ZNHIT6: variants seen among roughly 807,000 people sequenced by gnomAD.
ZNHIT6 encodes box C/D snoRNA protein 1.
Under a neutral mutation model 57.2 loss-of-function variants are expected in ZNHIT6, and 45 were observed. That is an observed-to-expected ratio of 0.79 (90% confidence interval 0.62 to 1.01). The LOEUF is 1.01. ZNHIT6 is among the 50% of genes least tolerant of loss of function. The probability of loss-of-function intolerance (pLI) is 0.00; values close to 1 mark genes in which losing one functional copy is unlikely to be tolerated. For missense variants in ZNHIT6, 528 were observed against 567.3 expected, an observed-to-expected ratio of 0.93 and a Z score of 0.70; for synonymous variants, 188 against 190.0, an observed-to-expected ratio of 0.99 and a Z score of 0.09.
chr1:85,652,406 A>C lies in ZNHIT6; in HGVS notation c.*1652T>G, dbSNP rs529063354. 6.6e-6 allele frequency: 1 copy of C among 152,302 alleles called. No individual in the cohort carries two copies. The highest frequency in any genetic ancestry group is 2.1e-4 in the South Asian group (1 of 4,822). The allele number at this position is 152,302 out of a possible 1,614,324, so 9.4% of individuals were successfully genotyped here. On this transcript the variant is annotated 3_prime_UTR_variant, in exon 10 of 10. Coordinates refer to ENST00000370574, the MANE Select transcript of ZNHIT6 (RefSeq NM_017953.4). ...CTCCAATAATACTGTGAACAACGTA[A>C]TTCTACACAAATTCTTTATCATATA... is the stretch of plus-strand genomic sequence containing the variant.
Position 85,670,600 on chromosome 1 carries a change from A to G in ZNHIT6, c.1247+6636T>C, listed in dbSNP as rs1329577342. On this transcript the variant is annotated intron_variant, in intron 8 of 9. Coordinates refer to ENST00000370574, the MANE Select transcript of ZNHIT6 (RefSeq NM_017953.4). The stretch of plus-strand genomic sequence containing the variant: ...TCAAAAGAGAGTTAATCATCATGTG[A>G]TTTAAGTTTTATTGGGATAAAATAA... 3.3e-5 allele frequency among the ~76,000 whole-genome samples: 5 copies of G among 152,328 alleles called. No individual in the cohort carries two copies. In the East Asian group the frequency reaches 9.6e-4, roughly 29 times the overall value.
At chr1:85,695,305 A>C (rs562762365) in intron 5 of ZNHIT6, among the ~76,000 whole-genome samples, 1 of 152,216 alleles carries the variant, frequency 6.6e-6, no homozygotes, top group Admixed American at 6.5e-5. Flanking sequence ...TTAAGACAAA[A>C]ACTGAAAAAG....
At position 85,653,987 on chromosome 1, in the gene ZNHIT6, C is replaced by G; in HGVS notation, c.*71G>C. The stretch of plus-strand genomic sequence containing the variant: ...ACCCATTGACAATACCCCAATCAGC[C>G]AACAGCCCATCAATGCAGAGTCTGC... On this transcript the variant is annotated 3_prime_UTR_variant, in exon 10 of 10. Transcript: ENST00000370574. The G allele has an allele frequency of 7.5e-7, 1 of 1,337,736 alleles. No homozygotes were observed. The allele number at this position is 1,337,736 out of a possible 1,614,324, so 82.9% of individuals were successfully genotyped here.
At chr1:85,664,181 A>C (rs1279039584) in intron 8 of ZNHIT6, among the ~76,000 whole-genome samples, 2 of 152,196 alleles carry the variant, frequency 1.3e-5, no homozygotes, top group Non-Finnish European at 2.9e-5. Flanking sequence ...CCCTTCAGGG[A>C]TGCCAATGAT....
chr1:85,671,849 G>C (rs1052326169), intron 8 of ZNHIT6, among the ~76,000 whole-genome samples: 2 of 152,068 alleles, frequency 1.3e-5, no homozygotes, highest in African/African-American at 4.8e-5. Context: ...TTTTGCATAA[G>C]AGCAAAAAGG....
chr1:85,658,871 C>CA (rs987812898), intron 8 of ZNHIT6, among the ~76,000 whole-genome samples: 4 of 150,446 alleles, frequency 2.7e-5, no homozygotes, highest in Non-Finnish European at 3.0e-5. Flanking sequence ...AACTCTGCCT[C>CA]AAAAAAATAA....
intron 5 of ZNHIT6, among the ~76,000 whole-genome samples, chr1:85,684,276 A>G (rs1661962798): frequency 6.6e-6 from 1 of 152,228 alleles, no homozygotes; most frequent in Admixed American, 6.5e-5. Context: ...ACAAAGCAAC[A>G]GAAACACTAA....
rs150031530 is a variant in ZNHIT6 at position 85,657,980 on chromosome 1, T to TAA, written c.1248-11_1248-10dup. The TAA allele has an allele frequency of 2.2e-5, 31 of 1,410,246 alleles. No homozygotes were observed. Among genetic ancestry groups the TAA allele is most frequent in the African/African-American group, 2.1e-4 (14 of 67,884 alleles). The allele number at this position is 1,410,246 out of a possible 1,614,324, so 87.4% of individuals were successfully genotyped here. A position where few individuals can be genotyped will look rare whatever the true frequency, so the allele number is the denominator to read the frequency against. ...GATCTAGTTCATAATATCTTATTAATAAAAAAAAACAAAAAACCAGGAAAC... is the reference window on the plus strand; with the variant it reads ...GATCTAGTTCATAATATCTTATTAATAAAAAAAAAAACAAAAAACCAGGAAAC... On this transcript the variant is annotated splice_polypyrimidine_tract_variant and intron_variant, in intron 8 of 9. Coordinates refer to ENST00000370574, the MANE Select transcript of ZNHIT6 (RefSeq NM_017953.4).
At chr1:85,706,195 T>C in intron 3 of ZNHIT6, 32 bp from the exon 4 acceptor site, 4 of 1,611,268 alleles carry the variant, frequency 2.5e-6, no homozygotes, top group Non-Finnish European at 3.4e-6. Context: ...AATAAACAAG[T>C]GACATATACC....
intron 4 of ZNHIT6, among the ~76,000 whole-genome samples, chr1:85,705,620 C>T (rs540228058): frequency 4.6e-5 from 7 of 152,308 alleles, no homozygotes; most frequent in Admixed American, 1.3e-4. Flanking sequence ...ATCCTTGTTT[C>T]TGACTCAGGT....
At chr1:85,688,177 A>C (rs1662119372) in intron 5 of ZNHIT6, among the ~76,000 whole-genome samples, 1 of 152,218 alleles carries the variant, frequency 6.6e-6, no homozygotes, top group South Asian at 2.1e-4. Flanking sequence ...CATGGTTCTA[A>C]ATGTATGTAT....
At chr1:85,672,020 TG>T (rs1172029427) in intron 8 of ZNHIT6, among the ~76,000 whole-genome samples, 1 of 152,226 alleles carries the variant, frequency 6.6e-6, no homozygotes, top group East Asian at 1.9e-4. Context: ...ACACAGATTA[TG>T]TATTCTGGAA....
Position 85,651,863 on chromosome 1 carries a change from C to G in ZNHIT6, c.*2195G>C, listed in dbSNP as rs1660920253. On this transcript the variant is annotated 3_prime_UTR_variant, in exon 10 of 10. Transcript: ENST00000370574. ...TTCAGTTAGTTATTCCAATTTCATT[C>G]TCTCCAAGCCATTGGTAATTCACTA... The G allele has an allele frequency of 6.6e-6, 1 of 152,128 alleles. No individual in the cohort carries two copies. Among genetic ancestry groups the G allele is most frequent in the Non-Finnish European group, 1.5e-5 (1 of 68,020 alleles). The allele number at this position is 152,128 out of a possible 1,614,324, so 9.4% of individuals were successfully genotyped here.
chr1:85,663,841 T>G (rs1389357539), intron 8 of ZNHIT6, among the ~76,000 whole-genome samples: 2 of 152,230 alleles, frequency 1.3e-5, no homozygotes, highest in Non-Finnish European at 2.9e-5. Context: ...TTGAAGATTT[T>G]TTTCTTTAAC....
chr1:85,670,390 G>T (rs554188318), intron 8 of ZNHIT6, among the ~76,000 whole-genome samples: 3 of 152,170 alleles, frequency 2.0e-5, no homozygotes, highest in African/African-American at 4.8e-5. Context: ...CTGCTTAAGG[G>T]TATTAACGTG....
intron 8 of ZNHIT6, among the ~76,000 whole-genome samples, chr1:85,664,183 G>T (rs1661303449): frequency 6.6e-6 from 1 of 152,146 alleles, no homozygotes. Context: ...CTTCAGGGAT[G>T]CCAATGATTC....
intron 5 of ZNHIT6, among the ~76,000 whole-genome samples, chr1:85,691,663 G>A (rs557624221): frequency 1.8e-4 from 28 of 152,092 alleles, no homozygotes; most frequent in African/African-American, 5.5e-4. Flanking sequence ...TTGGGAGGCC[G>A]AGGCAGGCGG....
chr1:85,677,208 A>G, intron 8 of ZNHIT6, 28 bp downstream of exon 8: 3 of 1,539,986 alleles, frequency 1.9e-6, no homozygotes, highest in South Asian at 1.3e-5. Context: ...AAAAATATTT[A>G]AAGAAATGGG....
At chr1:85,672,108 C>G (rs980043472) in intron 8 of ZNHIT6, among the ~76,000 whole-genome samples, 2 of 152,082 alleles carry the variant, frequency 1.3e-5, no homozygotes, top group African/African-American at 2.4e-5. Context: ...TAAGGTCATT[C>G]TTTTCAAAAG....
Sources: allele counts gnomAD v4.1 joint callset (sites outside exome capture counted in the v4.1 genomes callset), GRCh38; gene constraint gnomAD v4.1.1; transcripts MANE v1.5; gene names NCBI Gene and HGNC (gene_info 2026-07-23, HGNC 2026-07-21).